Variants in RANBP2 observed in about 807,000 individuals in gnomAD.
RANBP2 encodes E3 SUMO-protein ligase RanBP2.
RANBP2 carries 57 observed loss-of-function variants against 303.6 expected under a neutral mutation model. The ratio of observed to expected loss-of-function variants is 0.19; its 90% CI spans 0.15 to 0.23. RANBP2 has a LOEUF of 0.23. Among genes scored for constraint, RANBP2 ranks in the 10% least tolerant of loss-of-function variants. RANBP2 has a pLI of 1.00. For missense variants in RANBP2, 3,138 were observed against 3,780.8 expected (o/e 0.83, Z 4.46); for synonymous variants, 1,167 against 1,301.5 (o/e 0.90, Z 2.23).
the RANBP2 span, among the ~76,000 whole-genome samples, chr2:109,529,474 G>A: frequency 1.3e-5 from 2 of 152,208 alleles, no homozygotes; most frequent in Non-Finnish European, 2.9e-5. Context: ...GCACGGGGAA[G>A]GAGATAGCAC....
chr2:109,356,915 T>C, the RANBP2 span, among the ~76,000 whole-genome samples: 56 of 152,252 alleles, frequency 3.7e-4, no homozygotes, highest in African/African-American at 1.3e-3. Flanking sequence ...CCTCCTTCCC[T>C]GGCTTGCCAT....
chr2:108,958,666 C>T, the RANBP2 span, among the ~76,000 whole-genome samples: 1 of 152,210 alleles, frequency 6.6e-6, no homozygotes, highest in African/African-American at 2.4e-5. Context: ...AGTTAAGAAG[C>T]CCAAGTCCAG....
At chr2:108,938,305 A>G in the RANBP2 span, among the ~76,000 whole-genome samples, 1 of 152,332 alleles carries the variant, frequency 6.6e-6, no homozygotes, top group Middle Eastern at 3.4e-3. Flanking sequence ...CTGAACACCA[A>G]CATGGTTATT....
At chr2:108,852,980 A>G in the RANBP2 span, among the ~76,000 whole-genome samples, 1 of 152,232 alleles carries the variant, frequency 6.6e-6, no homozygotes, top group Admixed American at 6.5e-5. Flanking sequence ...TTTTGTTTGT[A>G]TCAAAGTTAA....
the RANBP2 span, among the ~76,000 whole-genome samples, chr2:108,886,753 A>G: frequency 6.6e-6 from 1 of 152,094 alleles, no homozygotes; most frequent in Non-Finnish European, 1.5e-5. Context: ...AAAAAATTTA[A>G]CTGTGGAGCT....
At chr2:109,214,740 T>G in the RANBP2 span, among the ~76,000 whole-genome samples, 1 of 152,184 alleles carries the variant, frequency 6.6e-6, no homozygotes, top group Non-Finnish European at 1.5e-5. Flanking sequence ...TCTGGTGACA[T>G]TTAGCTGTGT....
the RANBP2 span, among the ~76,000 whole-genome samples, chr2:109,664,586 A>G: frequency 1.3e-5 from 2 of 152,102 alleles, no homozygotes; most frequent in East Asian, 3.9e-4. Context: ...CCTGGGTGAA[A>G]GAATTTTAAT....
At chr2:109,761,009 A>G in the RANBP2 span, among the ~76,000 whole-genome samples, 1 of 135,784 alleles carries the variant, frequency 7.4e-6, no homozygotes, top group Admixed American at 7.6e-5. Context: ...GCCCCAGCCC[A>G]GGGACTGGTG....
At chr2:109,521,705 G>A in the RANBP2 span, among the ~76,000 whole-genome samples, 2 of 152,240 alleles carry the variant, frequency 1.3e-5, no homozygotes, top group Non-Finnish European at 2.9e-5. Context: ...CTGGAAGCCT[G>A]CTTTCCAACA....
chr2:108,821,905 GC>G, the RANBP2 span, among the ~76,000 whole-genome samples: 2 of 139,354 alleles, frequency 1.4e-5, no homozygotes, highest in Non-Finnish European at 3.0e-5. Context: ...TCCAGCATGG[GC>G]AACAAGAGCG....
chr2:108,767,572 G>A lies in RANBP2; in HGVS notation c.7033G>A (p.Asp2345Asn), dbSNP rs779065979. 3 of 1,611,968 alleles carry A rather than the reference G, an allele frequency of 1.9e-6. No homozygotes were observed. The highest frequency in any genetic ancestry group is 1.7e-6 in the Non-Finnish European group (2 of 1,179,846). ...HRAKLYRYDKDVGQWKERGIG... is the reference protein window; with the variant it reads ...HRAKLYRYDKNVGQWKERGIG... ...GGCAAAACTCTACAGATATGATAAA[G>A]ATGTTGGTCAATGGAAAGAAAGGGG... The change falls in exon 20 of 29, where the codon GAT becomes AAT. Residue 2345 changes from aspartate (D) to asparagine (N), a missense_variant. Asp to Asn is a conservative substitution (Grantham distance 23). Transcript: ENST00000283195.
At chr2:109,034,658 T>C in the RANBP2 span, among the ~76,000 whole-genome samples, 1,501 of 152,324 alleles carry the variant, frequency 9.9e-3, 15 homozygotes, top group Non-Finnish European at 0.015. Flanking sequence ...ATCTTCATCA[T>C]CCTGTACTCC....
chr2:109,760,594 G>A, the RANBP2 span, among the ~76,000 whole-genome samples: 2 of 143,162 alleles, frequency 1.4e-5, no homozygotes, highest in South Asian at 4.5e-4. Flanking sequence ...ACCTGGGGGC[G>A]GGCGGCGGCC....
chr2:109,035,482 C>G, the RANBP2 span, among the ~76,000 whole-genome samples: 1 of 151,874 alleles, frequency 6.6e-6, no homozygotes, highest in Non-Finnish European at 1.5e-5. Context: ...CCTTATCACC[C>G]CCCACCCCAC....
the RANBP2 span, among the ~76,000 whole-genome samples, chr2:109,091,677 C>T: frequency 1.4e-4 from 21 of 152,288 alleles, no homozygotes; most frequent in Middle Eastern, 6.8e-3. Context: ...GCAATGGATC[C>T]GGAGGCCAGC....
the RANBP2 span, among the ~76,000 whole-genome samples, chr2:109,119,550 G>A: frequency 4.6e-5 from 7 of 152,036 alleles, no homozygotes; most frequent in Admixed American, 2.0e-4. Context: ...TCATTCATTC[G>A]CTCATGACTG....
At chr2:109,585,310 T>C in the RANBP2 span, 1 of 1,600,170 alleles carries the variant, frequency 6.2e-7, no homozygotes, top group Non-Finnish European at 8.5e-7. Flanking sequence ...GATTTTCCAA[T>C]TCCAGTTTCC....
chr2:109,450,574 C>T, the RANBP2 span, among the ~76,000 whole-genome samples: 1 of 152,160 alleles, frequency 6.6e-6, no homozygotes, highest in East Asian at 1.9e-4. Flanking sequence ...TTCATTTTAA[C>T]AGCTTATTCC....
chr2:108,755,367 A>G (rs2149241994), intron 17 of RANBP2, 108 bp downstream of exon 17: 1 of 1,527,034 alleles, frequency 6.5e-7, no homozygotes, highest in Non-Finnish European at 9.0e-7. Context: ...TGCCATCCAA[A>G]TAGTATGGCA....
Sources: gnomAD v4.1 joint callset for allele counts (sites outside exome capture counted in the v4.1 genomes callset) on GRCh38, gnomAD v4.1.1 for gene constraint, MANE v1.5 for transcripts, NCBI Gene and HGNC (gene_info 2026-07-23, HGNC 2026-07-21) for gene names.